STK32B: variants seen among roughly 807,000 people sequenced by gnomAD.
STK32B encodes the protein serine/threonine-protein kinase 32B.
A neutral mutation model predicts 52.6 loss-of-function variants in STK32B; 43 were observed. The observed-to-expected ratio is 0.82, with a 90% CI of 0.64 to 1.05. The LOEUF (loss-of-function observed/expected upper bound fraction) is 1.05. Ranked by LOEUF, STK32B falls within the 50% of genes least tolerant of loss-of-function variation. STK32B has a pLI of 0.00. For synonymous variants in STK32B, 238 were observed against 204.3 expected, an observed-to-expected ratio of 1.17 and a Z score of -1.41; for missense variants, 621 against 534.6, an observed-to-expected ratio of 1.16 and a Z score of -1.59.
At chr4:5,032,421 T>G in the STK32B span, among the ~76,000 whole-genome samples, 1 of 134,884 alleles carries the variant, frequency 7.4e-6, no homozygotes, top group Non-Finnish European at 1.5e-5. Context: ...TGCAGGCAGT[T>G]AGCCGAGATT....
chr4:5,198,598 TCTCA>T (rs1560217853), intron 3 of STK32B, among the ~76,000 whole-genome samples: 2 of 152,146 alleles, frequency 1.3e-5, no homozygotes, highest in African/African-American at 4.8e-5. Flanking sequence ...AATGGACCCC[TCTCA>T]CTCTCTCTGC....
At chr4:5,253,017 G>C (rs10000062) in intron 3 of STK32B, among the ~76,000 whole-genome samples, 39,331 of 151,952 alleles carry the variant, frequency 0.26, 6,237 homozygotes, top group African/African-American at 0.44. Flanking sequence ...AAGGGCTTGT[G>C]CTTGCTCTTT....
At chr4:5,249,598 A>G (rs931771412) in intron 3 of STK32B, among the ~76,000 whole-genome samples, 2 of 152,040 alleles carry the variant, frequency 1.3e-5, no homozygotes, top group Non-Finnish European at 2.9e-5. Flanking sequence ...CCAAAGCATA[A>G]TAGAACTCAT....
chr4:5,107,417 G>C (rs535135305), intron 1 of STK32B, among the ~76,000 whole-genome samples: 10 of 152,158 alleles, frequency 6.6e-5, no homozygotes, highest in African/African-American at 2.4e-4. Context: ...CCCTTCCCCC[G>C]TCTGTGGAAA....
At chr4:5,080,936 G>C (rs896031454) in intron 1 of STK32B, among the ~76,000 whole-genome samples, 1 of 152,074 alleles carries the variant, frequency 6.6e-6, no homozygotes, top group Non-Finnish European at 1.5e-5. Flanking sequence ...GTACCTTTTA[G>C]CCAACAGCTC....
intron 11 of STK32B, 51 bp from the exon 12 acceptor site, chr4:5,498,894 C>T (rs1720501708): frequency 6.5e-7 from 1 of 1,545,362 alleles, no homozygotes; most frequent in South Asian, 1.2e-5. Flanking sequence ...CCTGGATGTG[C>T]CTCCACAACC....
At chr4:5,289,976 A>T (rs756296382) in intron 3 of STK32B, among the ~76,000 whole-genome samples, 7 of 151,980 alleles carry the variant, frequency 4.6e-5, no homozygotes, top group Admixed American at 1.3e-4. Context: ...TAAGCATAGT[A>T]CCCAATAGGT....
At chr4:5,388,695 G>A (rs1417016827) in intron 4 of STK32B, among the ~76,000 whole-genome samples, 9 of 152,200 alleles carry the variant, frequency 5.9e-5, no homozygotes. Context: ...AGATGGGTGG[G>A]TCTGTGTTGG....
chr4:5,115,843 AACG>A (rs1197799108), intron 1 of STK32B, among the ~76,000 whole-genome samples: 4 of 152,166 alleles, frequency 2.6e-5, no homozygotes, highest in African/African-American at 7.2e-5. Context: ...AACCAGAGAG[AACG>A]ACACCAGCAT....
At chr4:5,409,650 C>G (rs1372530801) in intron 5 of STK32B, among the ~76,000 whole-genome samples, 2 of 152,126 alleles carry the variant, frequency 1.3e-5, no homozygotes, top group Admixed American at 1.3e-4. Flanking sequence ...TATGGAATCA[C>G]AGGGCATGGG....
intron 3 of STK32B, among the ~76,000 whole-genome samples, chr4:5,249,457 T>C (rs372116690): frequency 7.6e-5 from 6 of 78,830 alleles, no homozygotes; most frequent in South Asian, 3.9e-4. Flanking sequence ...CTTCCTTCCT[T>C]CCTTCCTTCC....
the STK32B span, among the ~76,000 whole-genome samples, chr4:5,045,094 GC>G: frequency 1.3e-5 from 2 of 152,192 alleles, no homozygotes; most frequent in Admixed American, 1.3e-4. Context: ...AGTTGGAGGG[GC>G]CCTTTAAAAA....
At chr4:5,365,171 C>T (rs547216881) in intron 4 of STK32B, among the ~76,000 whole-genome samples, 3 of 152,256 alleles carry the variant, frequency 2.0e-5, no homozygotes, top group Middle Eastern at 3.4e-3. Flanking sequence ...GCCACAGCAT[C>T]GGGCCAAAAA....
chr4:5,375,913 A>C (rs1327124607), intron 4 of STK32B, among the ~76,000 whole-genome samples: 5 of 152,082 alleles, frequency 3.3e-5, no homozygotes, highest in Non-Finnish European at 7.4e-5. Context: ...TGGAGACACC[A>C]CTCACAGTTC....
At chr4:5,455,961 C>G (rs1716473761) in intron 7 of STK32B, among the ~76,000 whole-genome samples, 1 of 152,160 alleles carries the variant, frequency 6.6e-6, no homozygotes, top group South Asian at 2.1e-4. Flanking sequence ...TTTTTGTCAT[C>G]CCAAGACATG....
At chr4:5,482,353 A>T (rs1355250201) in intron 11 of STK32B, among the ~76,000 whole-genome samples, 1 of 152,152 alleles carries the variant, frequency 6.6e-6, no homozygotes, top group Non-Finnish European at 1.5e-5. Context: ...AGCAATTGTG[A>T]ATGGGAGTTC....
At chr4:5,244,102 T>A (rs1725254584) in intron 3 of STK32B, among the ~76,000 whole-genome samples, 1 of 152,088 alleles carries the variant, frequency 6.6e-6, no homozygotes, top group Non-Finnish European at 1.5e-5. Flanking sequence ...ATAAAATGAG[T>A]TAGGGAGGAT....
chr4:5,274,546 G>A (rs1727678782), intron 3 of STK32B, among the ~76,000 whole-genome samples: 2 of 152,068 alleles, frequency 1.3e-5, no homozygotes, highest in South Asian at 4.1e-4. Context: ...TGACCAATCA[G>A]AGAGCTCACT....
chr4:5,200,078 G>A (rs1211950307), intron 3 of STK32B, among the ~76,000 whole-genome samples: 2 of 152,124 alleles, frequency 1.3e-5, no homozygotes, highest in Non-Finnish European at 2.9e-5. Context: ...CTAGCTGCCA[G>A]GCCTCAGACA....
Sources: gnomAD v4.1 joint callset for allele counts (sites outside exome capture counted in the v4.1 genomes callset) on GRCh38, gnomAD v4.1.1 for gene constraint, MANE v1.5 for transcripts, NCBI Gene and HGNC (gene_info 2026-07-23, HGNC 2026-07-21) for gene names.